The following YBEY variants were observed in gnomAD, a reference collection of about 807,000 sequenced individuals.
YBEY encodes endoribonuclease YbeY.
In YBEY, 15 loss-of-function variants were observed where a neutral mutation model predicts 13.5. The ratio of observed to expected loss-of-function variants is 1.11; its 90% CI spans 0.75 to 1.72. The LOEUF is 1.72. YBEY is among the 40% of genes most tolerant of loss of function. YBEY has a pLI of 0.00. For missense variants in YBEY, 244 were observed against 208.4 expected, an observed-to-expected ratio of 1.17 and a Z score of -1.05; for synonymous variants, 101 against 83.1, an observed-to-expected ratio of 1.21 and a Z score of -1.17.
At chr21:46,303,055 T>C in the YBEY span, among the ~76,000 whole-genome samples, 2 of 152,076 alleles carry the variant, frequency 1.3e-5, no homozygotes, top group African/African-American at 2.4e-5. Context: ...TCCCAGCTCC[T>C]TGGGAGGCTG....
the YBEY span, among the ~76,000 whole-genome samples, chr21:46,303,754 T>TA: frequency 1.9e-5 from 1 of 51,490 alleles, no homozygotes; most frequent in Non-Finnish European, 4.1e-5. Context: ...TATTTTTTTT[T>TA]TTTTTTTTTT....
chr21:46,295,251 A>G (rs922159440), intron 3 of YBEY, among the ~76,000 whole-genome samples: 1 of 151,900 alleles, frequency 6.6e-6, no homozygotes, highest in African/African-American at 2.4e-5. Flanking sequence ...CCCCATCCTC[A>G]TAGCCACAGG....
rs1402573419 is a variant in YBEY, at chr21:46,297,611, C to T, written c.481C>T (p.Arg161Trp). 4 of 1,363,870 alleles carry T rather than the reference C, an allele frequency of 2.9e-6. No homozygotes were observed. The highest frequency in any genetic ancestry group is 3.5e-5 in the South Asian group (2 of 57,080). The allele number at this position is 1,363,870 out of a possible 1,614,324, so 84.5% of individuals were successfully genotyped here. Residue 161 changes from arginine (R) to tryptophan (W), a missense_variant, in exon 5 of 5, where the codon CGG (arginine) becomes TGG (tryptophan). Coordinates refer to ENST00000397701, the MANE Select transcript of YBEY (RefSeq NM_001314025.2). Reference protein sequence around the residue: ...RTGTRLQPLTRGLFGGS With the variant: ...RTGTRLQPLTWGLFGGS Reference sequence around the variant, plus strand: ...GGGGACCCGGCTGCAGCCCCTGACCCGGGGCCTCTTCGGAGGGAGCTGAGG... The same window carrying T: ...GGGGACCCGGCTGCAGCCCCTGACCTGGGGCCTCTTCGGAGGGAGCTGAGG...
At chr21:46,287,790 A>G (rs1056002594) in intron 2 of YBEY, among the ~76,000 whole-genome samples, 7 of 151,906 alleles carry the variant, frequency 4.6e-5, no homozygotes, top group Non-Finnish European at 1.0e-4. Context: ...CAGGAGTTCG[A>G]GATCAGCCTG....
chr21:46,291,483 C>G, intron 3 of YBEY, 21 bp downstream of exon 3: 1 of 1,612,820 alleles, frequency 6.2e-7, no homozygotes, highest in Non-Finnish European at 8.5e-7. Context: ...ATGCTGAAAT[C>G]ATATAACCTG....
At chr21:46,301,612 G>A, downstream of YBEY, 1 of 1,023,664 alleles carries the variant, frequency 9.8e-7, no homozygotes, top group Non-Finnish European at 1.2e-6. Flanking sequence ...ACTCTTTCTG[G>A]ATGAAATCTT....
intron 4 of YBEY, among the ~76,000 whole-genome samples, chr21:46,296,686 C>A (rs2081964599): frequency 6.6e-6 from 1 of 152,194 alleles, no homozygotes; most frequent in South Asian, 2.1e-4. Context: ...CATGAAAAAC[C>A]TTTTTCATTA....
chr21:46,292,533 C>T (rs1056890983), intron 3 of YBEY, among the ~76,000 whole-genome samples: 1 of 151,202 alleles, frequency 6.6e-6, no homozygotes, highest in African/African-American at 2.4e-5. Context: ...GGCCTGTGCC[C>T]GGGACTGAGT....
chr21:46,287,180 G>A, intron 2 of YBEY, 57 bp downstream of exon 2: 1 of 1,494,238 alleles, frequency 6.7e-7, no homozygotes, highest in South Asian at 1.2e-5. Flanking sequence ...TAAATTTCCT[G>A]TCGTTTTGTT....
downstream of YBEY, chr21:46,302,172 GC>G (rs2082134238): frequency 6.8e-7 from 1 of 1,463,980 alleles, no homozygotes; most frequent in African/African-American, 1.4e-5. Context: ...AGACGCACCT[GC>G]TGCTTAGGAC....
At chr21:46,301,908 C>T (rs1169785260), downstream of YBEY, 1 of 1,377,586 alleles carries the variant, frequency 7.3e-7, no homozygotes, top group African/African-American at 1.5e-5. Flanking sequence ...AGGGTCTCTC[C>T]CTGCTCCCTT....
chr21:46,293,510 A>AAT (rs1569100599), intron 3 of YBEY, among the ~76,000 whole-genome samples: 1 of 26,676 alleles, frequency 3.7e-5, no homozygotes, highest in African/African-American at 2.4e-4. Flanking sequence ...CTCAGTGGGG[A>AAT]CAGCCACACA....
downstream of YBEY, among the ~76,000 whole-genome samples, chr21:46,298,163 C>G (rs2082012030): frequency 6.6e-6 from 1 of 152,210 alleles, no homozygotes; most frequent in Non-Finnish European, 1.5e-5. Context: ...CCTCAGAGAC[C>G]TGCGTGAGTT....
chr21:46,303,724 TATATATATATATATATATA>T, the YBEY span, among the ~76,000 whole-genome samples: 1 of 23,890 alleles, frequency 4.2e-5, no homozygotes, highest in African/African-American at 2.0e-4. Flanking sequence ...TATATATATA[TATATATATATATATATATA>T]TATTTTTTTT....
the YBEY span, among the ~76,000 whole-genome samples, chr21:46,307,058 GC>G: frequency 6.6e-6 from 1 of 151,598 alleles, no homozygotes; most frequent in Non-Finnish European, 1.5e-5. Context: ...ACCACACCTG[GC>G]TGATTTTTGT....
chr21:46,312,475 C>T, the YBEY span, among the ~76,000 whole-genome samples: 1 of 152,060 alleles, frequency 6.6e-6, no homozygotes, highest in Non-Finnish European at 1.5e-5. Flanking sequence ...CCTGCCACCA[C>T]GCCCGGCTAA....
At chr21:46,296,112 C>G (rs1333490723) in intron 3 of YBEY, 50 bp from the exon 4 acceptor site, 1 of 1,608,752 alleles carries the variant, frequency 6.2e-7, no homozygotes, top group Non-Finnish European at 8.5e-7. Flanking sequence ...CCTGAAGGGG[C>G]AGGTTCCTGT....
chr21:46,289,609 C>A (rs950230444), intron 2 of YBEY, among the ~76,000 whole-genome samples: 13 of 151,286 alleles, frequency 8.6e-5, no homozygotes, highest in African/African-American at 3.2e-4. Context: ...CCACATCTGG[C>A]TAATTTTTTT....
At position 46,291,324 on chromosome 21, in the gene YBEY, C is replaced by T; in HGVS notation, c.211-10C>T. The stretch of plus-strand genomic sequence containing the variant: ...CCTGTTCTCTAAGTCTACATTTCCT[C>T]ATTTTTTAGCATCTGAAAGCAGGTG... On this transcript the variant is annotated splice_polypyrimidine_tract_variant and intron_variant, in intron 2 of 4. Coordinates refer to ENST00000397701, the MANE Select transcript of YBEY (RefSeq NM_001314025.2). 8.7e-6 allele frequency: 14 copies of T among 1,613,556 alleles called. No homozygotes were observed. Among genetic ancestry groups the T allele is most frequent in the Non-Finnish European group, 1.2e-5 (14 of 1,179,728 alleles).
Sources: gnomAD v4.1 joint callset for allele counts (sites outside exome capture counted in the v4.1 genomes callset) on GRCh38, gnomAD v4.1.1 for gene constraint, MANE v1.5 for transcripts, NCBI Gene and HGNC (gene_info 2026-07-23, HGNC 2026-07-21) for gene names.